ZRANB3: variants seen among roughly 807,000 people sequenced by gnomAD.
ZRANB3 encodes the protein DNA annealing helicase and endonuclease ZRANB3.
A neutral mutation model predicts 133.8 loss-of-function variants in ZRANB3; 125 were observed. The observed-to-expected ratio is 0.93, with a 90% CI of 0.81 to 1.08. The LOEUF (loss-of-function observed/expected upper bound fraction) is 1.08. ZRANB3 is among the 50% of genes least tolerant of loss of function. ZRANB3 has a pLI of 0.00. For synonymous variants in ZRANB3, 387 were observed against 432.7 expected, an observed-to-expected ratio of 0.89 and a Z score of 1.31; for missense variants, 1,229 against 1,275.5, an observed-to-expected ratio of 0.96 and a Z score of 0.56.
chr2:135,297,722 TTTTTTC>T (rs1682215735), intron 8 of ZRANB3, among the ~76,000 whole-genome samples: 1 of 152,206 alleles, frequency 6.6e-6, no homozygotes, highest in Non-Finnish European at 1.5e-5. Context: ...CTAAAAATTC[TTTTTTC>T]TTTGTCTTTG....
intron 3 of ZRANB3, among the ~76,000 whole-genome samples, chr2:135,372,118 A>G (rs1397700653): frequency 1.3e-5 from 2 of 151,458 alleles, no homozygotes; most frequent in Admixed American, 6.6e-5. Flanking sequence ...CAGTGAGCCA[A>G]GATGGTGCCA....
chr2:135,237,273 T>C (rs1384415056), intron 12 of ZRANB3, among the ~76,000 whole-genome samples: 1 of 148,834 alleles, frequency 6.7e-6, no homozygotes, highest in Non-Finnish European at 1.5e-5. Context: ...ATGGCAATCA[T>C]TAAAAAGTCA....
chr2:135,344,692 G>A (rs952640532), intron 6 of ZRANB3, among the ~76,000 whole-genome samples: 3 of 152,146 alleles, frequency 2.0e-5, no homozygotes, highest in African/African-American at 7.2e-5. Context: ...AGCCGAGATT[G>A]TACCACTGCA....
chr2:135,297,144 C>A (rs1682164728), intron 8 of ZRANB3, among the ~76,000 whole-genome samples: 1 of 152,214 alleles, frequency 6.6e-6, no homozygotes, highest in Non-Finnish European at 1.5e-5. Context: ...GTTACTGCTG[C>A]CTTTTGTTTG....
chr2:135,262,443 T>C (rs937599529), intron 12 of ZRANB3, among the ~76,000 whole-genome samples: 1 of 152,036 alleles, frequency 6.6e-6, no homozygotes, highest in Non-Finnish European at 1.5e-5. Flanking sequence ...CTTTGAAAAA[T>C]TAAAATTAAA....
chr2:135,428,141 T>G (rs574236392), intron 2 of ZRANB3, among the ~76,000 whole-genome samples: 22 of 152,258 alleles, frequency 1.4e-4, no homozygotes, highest in African/African-American at 5.1e-4. Flanking sequence ...ACATAGGCCA[T>G]GGCAAAGATT....
chr2:135,414,750 C>G (rs1574068102), intron 2 of ZRANB3, among the ~76,000 whole-genome samples: 1 of 152,112 alleles, frequency 6.6e-6, no homozygotes, highest in African/African-American at 2.4e-5. Flanking sequence ...TTATAACAAA[C>G]TCTCTCTCAG....
intron 19 of ZRANB3, among the ~76,000 whole-genome samples, chr2:135,205,549 T>C (rs1693822354): frequency 6.6e-6 from 1 of 152,184 alleles, no homozygotes; most frequent in Non-Finnish European, 1.5e-5. Context: ...AGAAATGGGG[T>C]TCCACTATAT....
chr2:135,316,781 C>T (rs1683273034), intron 6 of ZRANB3, among the ~76,000 whole-genome samples: 2 of 151,878 alleles, frequency 1.3e-5, no homozygotes, highest in Non-Finnish European at 1.5e-5. Context: ...TCCTGGCCAA[C>T]ATAGTGAGAC....
In ZRANB3 at chr2:135,315,350, G is replaced by A. The variant is rs1042377611; in HGVS notation, c.849+9C>T. 2.6e-6 allele frequency: 4 copies of A among 1,509,994 alleles called. No homozygotes were observed. Among genetic ancestry groups the A allele is most frequent in the Non-Finnish European group, 3.5e-6 (4 of 1,134,612 alleles). 93.5% of individuals were successfully genotyped at this position (1,509,994 alleles called of 1,614,324 possible). The stretch of plus-strand genomic sequence containing the variant: ...AAAGTAAGACTTTAAATCAAGCAAC[G>A]GTTCTCACCTTGGCAGCTGCTGATG... On this transcript the variant is annotated intron_variant, in intron 7 of 20. Coordinates refer to ENST00000264159, the MANE Select transcript of ZRANB3 (RefSeq NM_032143.4).
At chr2:135,291,724 T>A (rs1681746850) in intron 8 of ZRANB3, among the ~76,000 whole-genome samples, 1 of 152,004 alleles carries the variant, frequency 6.6e-6, no homozygotes, top group Non-Finnish European at 1.5e-5. Context: ...TAGGTGTATC[T>A]CCTAATGCTA....
chr2:135,493,997 T>C (rs1266863211), intron 2 of ZRANB3, among the ~76,000 whole-genome samples: 2 of 152,000 alleles, frequency 1.3e-5, no homozygotes, highest in Non-Finnish European at 2.9e-5. Context: ...ATTCTGTTTG[T>C]AGCATGTTCC....
At chr2:135,290,349 C>T (rs1394271589) in intron 8 of ZRANB3, among the ~76,000 whole-genome samples, 2 of 152,094 alleles carry the variant, frequency 1.3e-5, no homozygotes, top group Admixed American at 6.5e-5. Flanking sequence ...TATATAATGT[C>T]CCTGTTTGTC....
At chr2:135,204,639 CA>C (rs1048256026) in intron 19 of ZRANB3, among the ~76,000 whole-genome samples, 1,053 of 80,202 alleles carry the variant, frequency 0.013, 9 homozygotes, top group African/African-American at 0.059. Context: ...GACCCAATCT[CA>C]AAAAAAAAAA....
intron 8 of ZRANB3, among the ~76,000 whole-genome samples, chr2:135,310,318 T>G (rs182350846): frequency 1.2e-3 from 185 of 151,766 alleles, no homozygotes; most frequent in Admixed American, 2.3e-3. Context: ...AGAATAGAGT[T>G]CAGAAACAGA....
intron 8 of ZRANB3, among the ~76,000 whole-genome samples, chr2:135,285,190 A>G (rs191142358): frequency 6.6e-6 from 1 of 152,256 alleles, no homozygotes; most frequent in African/African-American, 2.4e-5. Context: ...TCTATTTGTG[A>G]TTCCAACCTA....
chr2:135,398,964 CTT>C (rs1277094503), intron 2 of ZRANB3, among the ~76,000 whole-genome samples: 2 of 152,164 alleles, frequency 1.3e-5, no homozygotes, highest in Non-Finnish European at 2.9e-5. Flanking sequence ...CTTGTTGAAT[CTT>C]TGGCTTGTCA....
At chr2:135,228,048 T>C (rs1482151427) in intron 13 of ZRANB3, 33 bp from the exon 14 acceptor site, 1 of 1,435,158 alleles carries the variant, frequency 7.0e-7, no homozygotes, top group Non-Finnish European at 9.4e-7. Context: ...AAAAATGTAA[T>C]AATTTACATT....
At chr2:135,490,201 TTATAAAGTGAGTGAAAGGA>T (rs1692311473) in intron 2 of ZRANB3, among the ~76,000 whole-genome samples, 1 of 152,134 alleles carries the variant, frequency 6.6e-6, no homozygotes, top group Non-Finnish European at 1.5e-5. Flanking sequence ...AGATGTGTAA[TTATAAAGTGAGTGAAAGGA>T]TATTTTTAGA....
Sources: allele counts gnomAD v4.1 joint callset (sites outside exome capture counted in the v4.1 genomes callset), GRCh38; gene constraint gnomAD v4.1.1; transcripts MANE v1.5; gene names NCBI Gene and HGNC (gene_info 2026-07-23, HGNC 2026-07-21).